The following FBXO3 variants were observed in gnomAD, a reference collection of about 807,000 sequenced individuals.
FBXO3 encodes F-box only protein 3.
A neutral mutation model predicts 64.8 loss-of-function variants in FBXO3; 17 were observed. That is an observed-to-expected ratio of 0.26 (90% CI 0.18 to 0.39). The LOEUF is 0.39. FBXO3 is among the 10% of genes least tolerant of loss of function. FBXO3 has a pLI of 1.00. For synonymous variants in FBXO3, 182 were observed against 201.6 expected, an observed-to-expected ratio of 0.90 and a Z score of 0.82; for missense variants, 420 against 589.9, an observed-to-expected ratio of 0.71 and a Z score of 2.98.
rs997819078 is a variant in FBXO3 at position 33,766,888 on chromosome 11, C to A, written c.358+1963G>T. 4.6e-5 allele frequency among the ~76,000 whole-genome samples: 7 copies of A among 151,518 alleles called. No individual in the cohort carries two copies. The East Asian group carries it at 9.7e-4, about 21-fold the overall frequency. ...TCATGGCAAAGCCCCAGAGAACTGG[C>A]ACTGTGGAGTAAAACAGGAGCTGTC... On this transcript the variant is annotated intron_variant, in intron 3 of 10. Coordinates refer to ENST00000265651, the MANE Select transcript of FBXO3 (RefSeq NM_012175.4).
intron 3 of FBXO3, among the ~76,000 whole-genome samples, chr11:33,765,800 C>T (rs907983765): frequency 6.6e-6 from 1 of 152,058 alleles, no homozygotes; most frequent in Non-Finnish European, 1.5e-5. Flanking sequence ...AAAAGTGTGC[C>T]GTACCTCCCC....
rs750541844 is a variant in FBXO3 at position 33,758,564 on chromosome 11, C to T, written c.396G>A (p.Ala132=). ...CGTCAGGAAGCTTGCAGCCAATCTG[C>T]GCTTCCACAGCATCGAGGTCTTCCT... ...AREEDLDAVE[A]QIGCKLPDDY... The change falls in exon 4 of 11, where the codon GCG becomes GCA. Residue 132 remains alanine, a synonymous_variant. Transcript: ENST00000265651. 8.7e-6 allele frequency: 14 copies of T among 1,608,794 alleles called. No homozygotes were observed. Among genetic ancestry groups the T allele is most frequent in the African/African-American group, 4.0e-5 (3 of 74,860 alleles).
chr11:33,764,216 T>C (rs977605709), intron 3 of FBXO3, among the ~76,000 whole-genome samples: 16 of 152,174 alleles, frequency 1.1e-4, no homozygotes, highest in African/African-American at 3.6e-4. Flanking sequence ...CTCAAAAAGA[T>C]TGAATCTCAC....
chr11:33,768,758 T>C (rs372913089), intron 3 of FBXO3, 93 bp downstream of exon 3: 1 of 1,455,008 alleles, frequency 6.9e-7, no homozygotes, highest in African/African-American at 1.4e-5. Context: ...GTTAACACAG[T>C]TGCGTAGATG....
chr11:33,768,733 CACAG>C lies in FBXO3; in HGVS notation c.358+114_358+117del, dbSNP rs139067802. The C allele has an allele frequency of 5.5e-3, 6,527 of 1,191,168 alleles. 142 individuals carry two copies. Among genetic ancestry groups the C allele is most frequent in the African/African-American group, 0.043 (2,848 of 66,748 alleles). The allele number at this position is 1,191,168 out of a possible 1,614,324, so 73.8% of individuals were successfully genotyped here. A position where few individuals can be genotyped will look rare whatever the true frequency, so the allele number is the denominator to read the frequency against. On this transcript the variant is annotated intron_variant, in intron 3 of 10. Transcript: ENST00000265651. ...CCATGGCCAAATATGAACAGTAAATCACAGACAAAGTTGGGTTAACACAGTTGCG... is the reference window on the plus strand; with the variant it reads ...CCATGGCCAAATATGAACAGTAAATCACAAAGTTGGGTTAACACAGTTGCG...
At chr11:33,755,572 G>GT (rs1855076664) in intron 5 of FBXO3, among the ~76,000 whole-genome samples, 199 bp downstream of exon 5, 1 of 152,140 alleles carries the variant, frequency 6.6e-6, no homozygotes, top group Non-Finnish European at 1.5e-5. Context: ...ATATACACCA[G>GT]TTTTTTATGT....
chr11:33,764,549 T>C (rs1855321099), intron 3 of FBXO3, among the ~76,000 whole-genome samples: 1 of 152,022 alleles, frequency 6.6e-6, no homozygotes, highest in African/African-American at 2.4e-5. Context: ...TCTGCAGTTA[T>C]CTTTCTAAAA....
chr11:33,758,745 T>C, intron 3 of FBXO3, 144 bp from the exon 4 acceptor site: 1 of 517,946 alleles, frequency 1.9e-6, no homozygotes, highest in South Asian at 4.0e-5. Context: ...GGAAATGAAT[T>C]GAAAACTAAT....
At chr11:33,758,145 T>C (rs886463243) in intron 4 of FBXO3, among the ~76,000 whole-genome samples, 1 of 152,146 alleles carries the variant, frequency 6.6e-6, no homozygotes, top group Non-Finnish European at 1.5e-5. Flanking sequence ...CCCAAAATAA[T>C]TTGCCTGGCC....
rs147718954 is a variant in FBXO3, at chr11:33,747,294, G to A, written c.1075C>T (p.Arg359Trp). 6.2e-7 allele frequency: 1 copy of A among 1,610,960 alleles called. No individual in the cohort carries two copies. The highest frequency in any genetic ancestry group is 8.5e-7 in the Non-Finnish European group (1 of 1,179,286). Residue 359 changes from arginine to tryptophan, a missense_variant, in exon 10 of 11, where the codon CGG (arginine) becomes TGG (tryptophan). Transcript: ENST00000265651. ...GTACAGCTTGTGTATTCATATACCC[G>A]ACCTGGGCTGATGATTGGAAATTCA... is the stretch of plus-strand genomic sequence containing the variant. ...VGEFPIISPG[R>W]VYEYTSCTTF...
intron 3 of FBXO3, among the ~76,000 whole-genome samples, chr11:33,768,583 A>G (rs1263739636): frequency 2.0e-5 from 3 of 152,200 alleles, no homozygotes; most frequent in African/African-American, 7.2e-5. Flanking sequence ...CAATCTTAGC[A>G]TTACTACTTT....
rs571591260 is a variant in FBXO3, at chr11:33,763,641, A to C, written c.359-5040T>G. ...AGAATATCTACAAAAAAAAAAAAAA[A>C]AAAAAACCCTACAGCAAACATCTTA... On this transcript the variant is annotated intron_variant, in intron 3 of 10. Coordinates refer to ENST00000265651, the MANE Select transcript of FBXO3 (RefSeq NM_012175.4). 1.2e-4 allele frequency among the ~76,000 whole-genome samples: 18 copies of C among 151,678 alleles called. No individual in the cohort carries two copies. In the South Asian group the frequency reaches 3.5e-3, roughly 30 times the overall value.
At chr11:33,758,897 C>T (rs1855174048) in intron 3 of FBXO3, among the ~76,000 whole-genome samples, 1 of 151,038 alleles carries the variant, frequency 6.6e-6, no homozygotes, top group African/African-American at 2.4e-5. Flanking sequence ...TTTCCTAAAT[C>T]TAAAATATTC....
chr11:33,741,903 G>C lies in FBXO3; in HGVS notation c.*5C>G, dbSNP rs377160472. 48 of 1,608,828 alleles carry C rather than the reference G, an allele frequency of 3.0e-5. No homozygotes were observed. In the East Asian group the frequency reaches 4.7e-4, roughly 16 times the overall value. The stretch of plus-strand genomic sequence containing the variant: ...ATCCTAGTGCTTCCATCAGCAGAAG[G>C]CTTGCTAAAAAAGGCGTGAGCAGCG... On this transcript the variant is annotated 3_prime_UTR_variant, in exon 11 of 11. Transcript: ENST00000265651.
Position 33,753,676 on chromosome 11 carries a change from T to C in FBXO3, c.724+779A>G, listed in dbSNP as rs577784868. 1.2e-4 allele frequency: 19 copies of C among 152,322 alleles called. No homozygotes were observed. The South Asian group carries it at 3.7e-3, about 30-fold the overall frequency. 9.4% of individuals were successfully genotyped at this position (152,322 alleles called of 1,614,324 possible). Reference sequence around the variant, plus strand: ...TACACCATGAACGTGGAATGTGCCATAGTATGGAACAAATAGAGACTTATA... The same window carrying C: ...TACACCATGAACGTGGAATGTGCCACAGTATGGAACAAATAGAGACTTATA... On this transcript the variant is annotated intron_variant, in intron 6 of 10. Coordinates refer to ENST00000265651, the MANE Select transcript of FBXO3 (RefSeq NM_012175.4).
chr11:33,766,912 T>G (rs534430213), intron 3 of FBXO3, among the ~76,000 whole-genome samples: 27 of 149,670 alleles, frequency 1.8e-4, no homozygotes, highest in African/African-American at 6.4e-4. Flanking sequence ...ACAGGAGCTG[T>G]CAAGGAATTA....
intron 3 of FBXO3, among the ~76,000 whole-genome samples, chr11:33,761,673 T>C (rs748657471): frequency 6.6e-6 from 1 of 152,214 alleles, no homozygotes; most frequent in African/African-American, 2.4e-5. Flanking sequence ...ATGACTCAAC[T>C]GGATCCTCTG....
At chr11:33,757,088 T>C (rs569842694) in intron 4 of FBXO3, 2 of 518,620 alleles carry the variant, frequency 3.9e-6, no homozygotes, top group Non-Finnish European at 7.7e-6. Context: ...TGGGATTCCC[T>C]GTACTCATTC....
chr11:33,760,341 C>T (rs544395880), intron 3 of FBXO3, among the ~76,000 whole-genome samples: 2 of 152,224 alleles, frequency 1.3e-5, no homozygotes, highest in South Asian at 4.1e-4. Flanking sequence ...GCTAAATTCT[C>T]TGCAGAAACA....
Sources: allele counts gnomAD v4.1 joint callset (sites outside exome capture counted in the v4.1 genomes callset), GRCh38; gene constraint gnomAD v4.1.1; transcripts MANE v1.5; gene names NCBI Gene and HGNC (gene_info 2026-07-23, HGNC 2026-07-21).